Variants in ULK4 observed in about 807,000 individuals in gnomAD.
ULK4 encodes the protein inactive serine/threonine-protein kinase ULK4.
Under a neutral mutation model 160.6 loss-of-function variants are expected in ULK4, and 133 were observed. The ratio of observed to expected loss-of-function variants is 0.83; its 90% CI spans 0.72 to 0.96. The LOEUF (loss-of-function observed/expected upper bound fraction) is 0.96, where lower values mean the gene tolerates loss of function less well. Among genes scored for constraint, ULK4 ranks in the 40% least tolerant of loss-of-function variants. ULK4 has a pLI of 0.00. For missense variants in ULK4, 1,580 were observed against 1,499.5 expected, an observed-to-expected ratio of 1.05 and a Z score of -0.89; for synonymous variants, 534 against 539.8, an observed-to-expected ratio of 0.99 and a Z score of 0.15.
intron 21 of ULK4, among the ~76,000 whole-genome samples, chr3:41,787,972 A>G (rs1390402054): frequency 6.6e-6 from 1 of 152,192 alleles, no homozygotes; most frequent in Non-Finnish European, 1.5e-5. Context: ...AATTCTTCTA[A>G]AACTCTCAGC....
chr3:41,393,435 T>C (rs1332563281), intron 35 of ULK4, among the ~76,000 whole-genome samples: 1 of 152,170 alleles, frequency 6.6e-6, no homozygotes, highest in African/African-American at 2.4e-5. Context: ...CATGGATTTC[T>C]GGGTCTTTGC....
chr3:41,630,713 G>T (rs1483535929), intron 30 of ULK4, among the ~76,000 whole-genome samples: 2 of 152,134 alleles, frequency 1.3e-5, no homozygotes, highest in African/African-American at 4.8e-5. Flanking sequence ...TTGCAGTTCT[G>T]CCTACCAGAG....
At chr3:41,351,778 T>C (rs1205699688) in intron 35 of ULK4, among the ~76,000 whole-genome samples, 1 of 152,106 alleles carries the variant, frequency 6.6e-6, no homozygotes, top group African/African-American at 2.4e-5. Context: ...TCCCATCTTG[T>C]CTTCTGTGTC....
At chr3:41,787,522 C>G (rs958144067) in intron 21 of ULK4, among the ~76,000 whole-genome samples, 1 of 152,162 alleles carries the variant, frequency 6.6e-6, no homozygotes, top group African/African-American at 2.4e-5. Context: ...CACCCTTCTT[C>G]CCCCTGCCAA....
At chr3:41,473,938 A>G (rs956355515) in intron 32 of ULK4, among the ~76,000 whole-genome samples, 2 of 152,210 alleles carry the variant, frequency 1.3e-5, no homozygotes, top group African/African-American at 4.8e-5. Context: ...TACAGATTCA[A>G]TGCAGCAATC....
intron 32 of ULK4, among the ~76,000 whole-genome samples, chr3:41,519,747 CAT>C (rs2125930505): frequency 6.6e-6 from 1 of 152,336 alleles, no homozygotes; most frequent in South Asian, 2.1e-4. Flanking sequence ...TTACCTGACT[CAT>C]GTTTGAGAGG....
intron 35 of ULK4, among the ~76,000 whole-genome samples, chr3:41,327,721 A>T (rs904282542): frequency 6.6e-6 from 1 of 152,202 alleles, no homozygotes. Context: ...AATTAGGATG[A>T]TAAGTTGTAT....
intron 22 of ULK4, among the ~76,000 whole-genome samples, chr3:41,735,603 T>G (rs1050281000): frequency 2.6e-5 from 4 of 151,682 alleles, no homozygotes; most frequent in Non-Finnish European, 5.9e-5. Context: ...ATATCACAAG[T>G]GGTTCCTTGC....
intron 34 of ULK4, among the ~76,000 whole-genome samples, chr3:41,454,177 TA>T (rs776400442): frequency 3.2e-3 from 410 of 129,662 alleles, no homozygotes; most frequent in Middle Eastern, 3.8e-3. Flanking sequence ...AAAGTATAAT[TA>T]AAAAAAAAAA....
In ULK4 at chr3:41,901,409, T is replaced by A. The variant is rs572998556; in HGVS notation, c.1183-580A>T. On this transcript the variant is annotated intron_variant, in intron 12 of 36. Coordinates refer to ENST00000301831, the MANE Select transcript of ULK4 (RefSeq NM_017886.4). The stretch of plus-strand genomic sequence containing the variant: ...GTTAGCCAGGATGGTCTCAATCTCC[T>A]GACCTCATGATCCACCTGCCTCGGC... 4.7e-5 allele frequency among the ~76,000 whole-genome samples: 7 copies of A among 150,272 alleles called. No homozygotes were observed. In the Admixed American group the frequency reaches 4.7e-4, roughly 10 times the overall value.
At chr3:41,620,956 T>C (rs1455881847) in intron 30 of ULK4, among the ~76,000 whole-genome samples, 4 of 152,048 alleles carry the variant, frequency 2.6e-5, no homozygotes, top group Non-Finnish European at 4.4e-5. Flanking sequence ...TCACAAGCAT[T>C]CCCATACACT....
chr3:41,711,392 A>G (rs940966562), intron 25 of ULK4, among the ~76,000 whole-genome samples: 1 of 152,202 alleles, frequency 6.6e-6, no homozygotes, highest in African/African-American at 2.4e-5. Flanking sequence ...AATATCATTC[A>G]GTGATCCCCA....
intron 35 of ULK4, 128 bp downstream of exon 35, chr3:41,397,951 T>C (rs1320945059): frequency 1.1e-5 from 11 of 980,954 alleles, no homozygotes; most frequent in African/African-American, 1.6e-5. Context: ...GAAAGGTGAC[T>C]GGGAGTTCTT....
chr3:41,799,389 A>G (rs1021751196), intron 20 of ULK4, among the ~76,000 whole-genome samples: 1 of 152,184 alleles, frequency 6.6e-6, no homozygotes, highest in African/African-American at 2.4e-5. Context: ...CAAAACACAA[A>G]AACACCAAAA....
chr3:41,407,612 A>G (rs568329445), intron 34 of ULK4, among the ~76,000 whole-genome samples: 1 of 152,350 alleles, frequency 6.6e-6, no homozygotes, highest in African/African-American at 2.4e-5. Context: ...GCAATAGAAT[A>G]AAGAACAAAA....
At chr3:41,715,408 G>C (rs369463471) in intron 24 of ULK4, 39 bp downstream of exon 24, 65 of 1,613,416 alleles carry the variant, frequency 4.0e-5, no homozygotes, top group Non-Finnish European at 5.5e-5. Flanking sequence ...AAAGAGAAGA[G>C]GCAAATTTAT....
intron 32 of ULK4, among the ~76,000 whole-genome samples, chr3:41,487,147 T>C (rs2084568090): frequency 6.6e-6 from 1 of 151,378 alleles, no homozygotes; most frequent in South Asian, 2.1e-4. Flanking sequence ...AGGAATCAAT[T>C]TGATCAGAAA....
intron 31 of ULK4, among the ~76,000 whole-genome samples, chr3:41,600,021 C>T (rs2031959761): frequency 6.6e-6 from 1 of 152,192 alleles, no homozygotes; most frequent in East Asian, 1.9e-4. Context: ...GTACCTCACA[C>T]ATATGACTCT....
At chr3:41,625,302 C>G (rs535697654) in intron 30 of ULK4, among the ~76,000 whole-genome samples, 4 of 152,190 alleles carry the variant, frequency 2.6e-5, no homozygotes, top group African/African-American at 9.6e-5. Context: ...TATCTGATAT[C>G]CACGGATTTA....
Sources: allele counts gnomAD v4.1 joint callset (sites outside exome capture counted in the v4.1 genomes callset), GRCh38; gene constraint gnomAD v4.1.1; transcripts MANE v1.5; gene names NCBI Gene and HGNC (gene_info 2026-07-23, HGNC 2026-07-21).